Variants in CAPZA2 observed in about 807,000 individuals in gnomAD.
CAPZA2 encodes capping actin protein of muscle Z-line subunit alpha 2.
In CAPZA2, 13 loss-of-function variants were observed where a neutral mutation model predicts 44.0. That is an observed-to-expected ratio of 0.30 (90% CI 0.19 to 0.47). CAPZA2 has a LOEUF of 0.47. Ranked by LOEUF, CAPZA2 falls within the 20% of genes least tolerant of loss-of-function variation. CAPZA2 has a pLI of 1.00. For synonymous variants in CAPZA2, 94 were observed against 108.2 expected (o/e 0.87, Z 0.81); for missense variants, 244 against 338.6 (o/e 0.72, Z 2.19).
chr7:116,897,680 A>G (rs941003309), intron 3 of CAPZA2, among the ~76,000 whole-genome samples: 1 of 152,184 alleles, frequency 6.6e-6, no homozygotes, highest in African/African-American at 2.4e-5. Context: ...ATTTAAAAAT[A>G]CAATTTTTAG....
chr7:116,894,871 A>G (rs1160967767), intron 3 of CAPZA2, among the ~76,000 whole-genome samples: 1 of 152,136 alleles, frequency 6.6e-6, no homozygotes, highest in Non-Finnish European at 1.5e-5. Context: ...TTGTATCTGT[A>G]TAGCACATTT....
intron 8 of CAPZA2, among the ~76,000 whole-genome samples, chr7:116,912,971 A>G (rs1156932387): frequency 6.6e-6 from 1 of 152,168 alleles, no homozygotes; most frequent in East Asian, 1.9e-4. Flanking sequence ...GATGATAGCC[A>G]TCCTAGTCAG....
At chr7:116,897,776 A>G (rs1796946057) in intron 3 of CAPZA2, among the ~76,000 whole-genome samples, 1 of 152,112 alleles carries the variant, frequency 6.6e-6, no homozygotes, top group Non-Finnish European at 1.5e-5. Context: ...GATAGAGAGT[A>G]GCTTTATTCT....
rs754202694 is a variant in CAPZA2, at chr7:116,920,248, A to T, written c.*2381A>T. 2 of 90,278 alleles carry T rather than the reference A, an allele frequency of 2.2e-5. No homozygotes were observed. Among genetic ancestry groups the T allele is most frequent in the Admixed American group, 1.2e-4 (1 of 8,240 alleles). 5.6% of individuals were successfully genotyped at this position (90,278 alleles called of 1,614,324 possible). On this transcript the variant is annotated 3_prime_UTR_variant, in exon 10 of 10. Coordinates refer to ENST00000361183, the MANE Select transcript of CAPZA2 (RefSeq NM_006136.3). ...TGACACAGGGAGCCTCTGTCTCAAA[A>T]TAATAATAATAATAAAAGAATGGCA...
chr7:116,889,622 A>G (rs542925381), intron 2 of CAPZA2, among the ~76,000 whole-genome samples: 51 of 152,274 alleles, frequency 3.3e-4, no homozygotes, highest in African/African-American at 1.2e-3. Context: ...TAGTTTTGAA[A>G]GTCAGAAAGT....
intron 1 of CAPZA2, among the ~76,000 whole-genome samples, chr7:116,884,487 A>G (rs372472924): frequency 6.6e-6 from 1 of 152,168 alleles, no homozygotes; most frequent in East Asian, 1.9e-4. Flanking sequence ...TTATTTGAGA[A>G]TGTCATATAT....
At chr7:116,902,961 C>G (rs1384738191) in intron 4 of CAPZA2, among the ~76,000 whole-genome samples, 1 of 152,084 alleles carries the variant, frequency 6.6e-6, no homozygotes, top group East Asian at 1.9e-4. Context: ...TATCCTGCCC[C>G]CTTGGCCTCC....
At chr7:116,878,495 T>C (rs941551310) in intron 1 of CAPZA2, among the ~76,000 whole-genome samples, 18 of 152,226 alleles carry the variant, frequency 1.2e-4, no homozygotes, top group Non-Finnish European at 1.5e-5. Flanking sequence ...TCATCTCCCT[T>C]AGTTTTTACC....
intron 8 of CAPZA2, 47 bp from the exon 9 acceptor site, chr7:116,916,013 G>C (rs1283565236): frequency 8.3e-7 from 1 of 1,210,956 alleles, no homozygotes; most frequent in Non-Finnish European, 1.1e-6. Flanking sequence ...AAATAATAGT[G>C]GTTTAGTTTT....
intron 5 of CAPZA2, among the ~76,000 whole-genome samples, chr7:116,905,771 G>A (rs190387284): frequency 3.3e-5 from 5 of 152,290 alleles, no homozygotes; most frequent in Non-Finnish European, 7.4e-5. Flanking sequence ...AGGTGAAATA[G>A]CATTGTGATA....
At chr7:116,892,773 A>G (rs2115932371) in intron 2 of CAPZA2, among the ~76,000 whole-genome samples, 1 of 151,916 alleles carries the variant, frequency 6.6e-6, no homozygotes, top group East Asian at 1.9e-4. Context: ...GGTGTAAACA[A>G]GTATGTATTT....
intron 3 of CAPZA2, among the ~76,000 whole-genome samples, chr7:116,894,626 G>A (rs1191120191): frequency 2.6e-5 from 4 of 151,972 alleles, no homozygotes; most frequent in Admixed American, 2.0e-4. Context: ...TGTAATCATA[G>A]CCACCATCCA....
chr7:116,897,548 G>A (rs1482002966), intron 3 of CAPZA2, among the ~76,000 whole-genome samples: 1 of 152,052 alleles, frequency 6.6e-6, no homozygotes, highest in Admixed American at 6.6e-5. Flanking sequence ...AAAATTCAGT[G>A]GACGCCTGGC....
At chr7:116,896,906 G>C (rs1206254640) in intron 3 of CAPZA2, among the ~76,000 whole-genome samples, 1 of 152,104 alleles carries the variant, frequency 6.6e-6, no homozygotes, top group Non-Finnish European at 1.5e-5. Context: ...GAGGTGGCCT[G>C]TACTGGTTAA....
At chr7:116,901,361 C>G (rs1353268287) in intron 4 of CAPZA2, among the ~76,000 whole-genome samples, 1 of 152,114 alleles carries the variant, frequency 6.6e-6, no homozygotes, top group African/African-American at 2.4e-5. Context: ...TTTGCAAGAA[C>G]ATGGATGGAG....
intron 6 of CAPZA2, chr7:116,906,692 A>C (rs1307877244): frequency 1.7e-5 from 3 of 179,260 alleles, no homozygotes; most frequent in Non-Finnish European, 3.5e-5. Context: ...ATAATTATAG[A>C]ACAAAAAATG....
In CAPZA2 at chr7:116,897,551, C is replaced by T. The variant is rs78507234; in HGVS notation, c.156-1221C>T. Among the ~76,000 whole-genome samples the T allele has an allele frequency of 1.1e-4, 16 of 152,188 alleles. 1 individual carries two copies. The highest frequency in any genetic ancestry group is 2.2e-4 in the Non-Finnish European group (15 of 68,002). On this transcript the variant is annotated intron_variant, in intron 3 of 9. Coordinates refer to ENST00000361183, the MANE Select transcript of CAPZA2 (RefSeq NM_006136.3). ...AGCTAATACCTGAAAATTCAGTGGA[C>T]GCCTGGCCATCCCGAATAATCTGGA...
At chr7:116,902,193 G>A (rs937625458) in intron 4 of CAPZA2, among the ~76,000 whole-genome samples, 2 of 152,060 alleles carry the variant, frequency 1.3e-5, no homozygotes, top group East Asian at 3.8e-4. Context: ...GATTTCAGGT[G>A]GTTTTAAAAT....
At chr7:116,909,723 A>G (rs1466978927) in intron 6 of CAPZA2, 2 of 167,922 alleles carry the variant, frequency 1.2e-5, no homozygotes, top group Admixed American at 1.1e-4. Flanking sequence ...GTTAAACTAC[A>G]CTGAGTGTAT....
Sources: gnomAD v4.1 joint callset for allele counts (sites outside exome capture counted in the v4.1 genomes callset) on GRCh38, gnomAD v4.1.1 for gene constraint, MANE v1.5 for transcripts, NCBI Gene and HGNC (gene_info 2026-07-23, HGNC 2026-07-21) for gene names.